The following BTBD9 variants were observed in gnomAD, a reference collection of about 807,000 sequenced individuals.
BTBD9 encodes BTB domain containing 9, also known as BTB/POZ domain-containing protein 9.
Under a neutral mutation model 64.3 loss-of-function variants are expected in BTBD9, and 49 were observed. That is an observed-to-expected ratio of 0.76 (90% confidence interval 0.61 to 0.97). BTBD9 has a LOEUF of 0.97. Among genes scored for constraint, BTBD9 ranks in the 50% least tolerant of loss-of-function variants. The probability of loss-of-function intolerance (pLI) is 0.00; values close to 1 mark genes in which losing one functional copy is unlikely to be tolerated. For synonymous variants in BTBD9, 260 were observed against 274.7 expected (o/e 0.95, Z 0.53); for missense variants, 598 against 762.1 (o/e 0.78, Z 2.53).
At chr6:38,558,992 T>C (rs1426153503) in intron 6 of BTBD9, among the ~76,000 whole-genome samples, 3 of 152,206 alleles carry the variant, frequency 2.0e-5, no homozygotes, top group Non-Finnish European at 2.9e-5. Context: ...GGATAGCTGG[T>C]AGAATTTGGC....
In BTBD9 at chr6:38,537,274, C is replaced by A. The variant is rs188279020; in HGVS notation, c.1154+40326G>T. Among the ~76,000 whole-genome samples the A allele has an allele frequency of 1.0e-3, 159 of 152,314 alleles. 1 individual carries two copies. Among genetic ancestry groups the A allele is most frequent in the African/African-American group, 3.5e-3 (147 of 41,572 alleles). ...AAACGATCCAAATGAACAAAGGCAT[C>A]AGACTACAATAGCCATACTCTTAAC... On this transcript the variant is annotated intron_variant, in intron 6 of 10. Coordinates refer to ENST00000481247, the MANE Select transcript of BTBD9 (RefSeq NM_001099272.2).
At chr6:38,310,793 C>CTTTGTTTTGT (rs112925381) in intron 7 of BTBD9, among the ~76,000 whole-genome samples, 2,831 of 151,030 alleles carry the variant, frequency 0.019, 33 homozygotes, top group Non-Finnish European at 0.026. Context: ...ACCCTTCTAG[C>CTTTGTTTTGT]TTTGTTTTGT....
At chr6:38,617,088 C>T (rs145890914) in intron 1 of BTBD9, among the ~76,000 whole-genome samples, 5 of 152,278 alleles carry the variant, frequency 3.3e-5, no homozygotes, top group African/African-American at 4.8e-5. Context: ...GTGACTAGTG[C>T]GGCCACCGGA....
In BTBD9 at chr6:38,367,799, CAAAAAAAAAAAAAAAA is replaced by C. The variant is rs575025737; in HGVS notation, c.1155-22722_1155-22707del. 8.3e-4 allele frequency among the ~76,000 whole-genome samples: 70 copies of C among 84,334 alleles called. 2 individuals carry two copies. The highest frequency in any genetic ancestry group is 2.1e-3 in the South Asian group (4 of 1,874). The allele number at this position is 84,334 out of a possible 152,430, so 55.3% of individuals were successfully genotyped here. A position where few individuals can be genotyped will look rare whatever the true frequency, so the allele number is the denominator to read the frequency against. ...TGCAAGAGTGTTGCACCAGAAATGGCAAAAAAAAAAAAAAAAAAAAAAAAAAAAAAAACCATCCCTG... is the reference window on the plus strand; with the variant it reads ...TGCAAGAGTGTTGCACCAGAAATGGCAAAAAAAAAAAAAAAACCATCCCTG... On this transcript the variant is annotated intron_variant, in intron 6 of 10. Coordinates refer to ENST00000481247, the MANE Select transcript of BTBD9 (RefSeq NM_001099272.2).
At chr6:38,513,443 G>A (rs1562282753) in intron 6 of BTBD9, among the ~76,000 whole-genome samples, 1 of 149,908 alleles carries the variant, frequency 6.7e-6, no homozygotes. Flanking sequence ...GTGAGACTCT[G>A]TCTCAAAAAA....
chr6:38,592,657 G>A lies in BTBD9; in HGVS notation c.733C>T (p.Leu245=), dbSNP rs781477471. ...LLNVVRPSGL[L]SPDAILDAIK... ...GCATCCAGGATGGCATCAGGAGACA[G>A]CAGTCCTGAAGGCCTCACAACATTC... The change falls in exon 4 of 11, where the codon CTG becomes TTG. Residue 245 remains leucine (L), a synonymous_variant. Coordinates refer to ENST00000481247, the MANE Select transcript of BTBD9 (RefSeq NM_001099272.2). The A allele has an allele frequency of 1.2e-6, 2 of 1,614,140 alleles. No individual in the cohort carries two copies. The highest frequency in any genetic ancestry group is 1.7e-6 in the Non-Finnish European group (2 of 1,180,010).
chr6:38,197,490 C>A (rs4510661), intron 9 of BTBD9, among the ~76,000 whole-genome samples: 52,688 of 152,032 alleles, frequency 0.35, 9,685 homozygotes, highest in Non-Finnish European at 0.42. Flanking sequence ...CTGTGTCATG[C>A]CTCCGGGGCC....
chr6:38,584,836 C>T (rs144863095), intron 4 of BTBD9, among the ~76,000 whole-genome samples: 59 of 152,182 alleles, frequency 3.9e-4, no homozygotes, highest in African/African-American at 1.4e-3. Context: ...TTTTCCCACT[C>T]TCTGCAGGCC....
chr6:38,627,823 T>G (rs773946577), intron 1 of BTBD9, among the ~76,000 whole-genome samples: 2 of 152,180 alleles, frequency 1.3e-5, no homozygotes, highest in African/African-American at 4.8e-5. Flanking sequence ...AGCAAGGTAC[T>G]AACTAAAAAC....
chr6:38,238,944 C>T (rs1763893221), intron 9 of BTBD9, among the ~76,000 whole-genome samples: 1 of 152,154 alleles, frequency 6.6e-6, no homozygotes, highest in African/African-American at 2.4e-5. Flanking sequence ...ACCCCTGCTT[C>T]CATCATGGCC....
chr6:38,320,476 C>A (rs115028573), intron 7 of BTBD9, among the ~76,000 whole-genome samples: 6 of 152,088 alleles, frequency 3.9e-5, no homozygotes, highest in African/African-American at 1.4e-4. Flanking sequence ...ATTAATTATG[C>A]GGGAGGAAAA....
intron 6 of BTBD9, among the ~76,000 whole-genome samples, chr6:38,388,764 A>G (rs1443058217): frequency 3.9e-5 from 6 of 152,226 alleles, no homozygotes; most frequent in Non-Finnish European, 8.8e-5. Context: ...TTGAAATACT[A>G]ATACCAAGAA....
At position 38,211,833 on chromosome 6, in the gene BTBD9, T is replaced by C. The variant is rs898609237; in HGVS notation, c.1563-19236A>G. 4.6e-5 allele frequency among the ~76,000 whole-genome samples: 7 copies of C among 152,178 alleles called. 1 individual carries two copies. The highest frequency in any genetic ancestry group is 1.7e-4 in the African/African-American group (7 of 41,444). ...GTAGTTAACAAACTCTTGCTGTCAC[T>C]TGCTTGAGGCCAAAATTCCTAGCTG... On this transcript the variant is annotated intron_variant, in intron 9 of 10. Transcript: ENST00000481247.
chr6:38,637,051 G>A (rs946369130), intron 1 of BTBD9, among the ~76,000 whole-genome samples: 21 of 152,082 alleles, frequency 1.4e-4, no homozygotes, highest in Admixed American at 2.0e-4. Flanking sequence ...TACATGTGGC[G>A]AAATTTTATT....
intron 9 of BTBD9, among the ~76,000 whole-genome samples, chr6:38,202,241 C>T (rs571260300): frequency 1.1e-4 from 16 of 151,992 alleles, no homozygotes; most frequent in Non-Finnish European, 2.4e-4. Flanking sequence ...TGCGGCACCA[C>T]ACCCAGCTAA....
At chr6:38,369,432 T>TC (rs960051622) in intron 6 of BTBD9, among the ~76,000 whole-genome samples, 42 of 152,244 alleles carry the variant, frequency 2.8e-4, no homozygotes, top group African/African-American at 9.4e-4. Context: ...TTTCATGCCA[T>TC]CCCCCTCCCT....
chr6:38,309,105 C>T (rs909358825), intron 7 of BTBD9, among the ~76,000 whole-genome samples: 2 of 151,736 alleles, frequency 1.3e-5, no homozygotes, highest in African/African-American at 4.8e-5. Flanking sequence ...TGCAGTGGCT[C>T]ATGCCTGTAA....
intron 6 of BTBD9, among the ~76,000 whole-genome samples, chr6:38,417,121 A>T (rs1056592064): frequency 1.3e-4 from 20 of 152,074 alleles, no homozygotes; most frequent in Admixed American, 3.9e-4. Flanking sequence ...TCTTTTTAAA[A>T]TTTTTTTTGT....
Position 38,529,080 on chromosome 6 carries a change from C to T in BTBD9, c.1154+48520G>A, listed in dbSNP as rs778615677. Reference sequence around the variant, plus strand: ...CTGCCCTGAAGGAAGAGACTCAGGACTGGCAGCATTCACTACAAGCTGACT... The same window carrying T: ...CTGCCCTGAAGGAAGAGACTCAGGATTGGCAGCATTCACTACAAGCTGACT... On this transcript the variant is annotated intron_variant, in intron 6 of 10. Coordinates refer to ENST00000481247, the MANE Select transcript of BTBD9 (RefSeq NM_001099272.2). 3.9e-4 allele frequency among the ~76,000 whole-genome samples: 60 copies of T among 152,244 alleles called. No individual in the cohort carries two copies. The Middle Eastern group carries it at 0.01, about 26-fold the overall frequency.
Sources: gnomAD v4.1 joint callset for allele counts (sites outside exome capture counted in the v4.1 genomes callset) on GRCh38, gnomAD v4.1.1 for gene constraint, MANE v1.5 for transcripts, NCBI Gene and HGNC (gene_info 2026-07-23, HGNC 2026-07-21) for gene names.